Variants in PPP1R16B observed in about 807,000 individuals in gnomAD.
PPP1R16B encodes the protein protein phosphatase 1 regulatory inhibitor subunit 16B.
PPP1R16B carries 14 observed loss-of-function variants against 61.7 expected under a neutral mutation model. The observed-to-expected ratio is 0.23, with a 90% CI of 0.15 to 0.35. The LOEUF (loss-of-function observed/expected upper bound fraction) is 0.35, where lower values mean the gene tolerates loss of function less well. Among genes scored for constraint, PPP1R16B ranks in the 10% least tolerant of loss-of-function variants. PPP1R16B has a pLI of 1.00. For missense variants in PPP1R16B, 547 were observed against 752.5 expected (o/e 0.73, Z 3.19); for synonymous variants, 266 against 305.3 (o/e 0.87, Z 1.34).
intron 1 of PPP1R16B, among the ~76,000 whole-genome samples, chr20:38,828,152 G>T (rs2084815439): frequency 6.6e-6 from 1 of 152,102 alleles, no homozygotes; most frequent in Non-Finnish European, 1.5e-5. Context: ...GAGGCACTAG[G>T]CTTGAGTCCA....
chr20:38,841,353 GA>G (rs34203271), intron 2 of PPP1R16B, among the ~76,000 whole-genome samples: 205 of 42,590 alleles, frequency 4.8e-3, no homozygotes, highest in Admixed American at 0.01. Flanking sequence ...TGTCTGTACT[GA>G]AAAAAAAAAA....
intron 1 of PPP1R16B, among the ~76,000 whole-genome samples, chr20:38,822,702 A>G (rs983074601): frequency 4.6e-5 from 7 of 152,166 alleles, no homozygotes; most frequent in African/African-American, 1.7e-4. Context: ...TTTATTGGCT[A>G]AATAAATAGG....
intron 3 of PPP1R16B, among the ~76,000 whole-genome samples, chr20:38,893,171 G>A (rs1424447409): frequency 1.3e-5 from 2 of 152,216 alleles, no homozygotes; most frequent in Non-Finnish European, 2.9e-5. Context: ...CAAGCTGCTT[G>A]ACTCTTGTAA....
chr20:38,865,242 C>G (rs1389222585), intron 2 of PPP1R16B, among the ~76,000 whole-genome samples: 1 of 151,718 alleles, frequency 6.6e-6, no homozygotes, highest in Non-Finnish European at 1.5e-5. Context: ...AGACCTCTGA[C>G]TTGCACAGGG....
intron 10 of PPP1R16B, among the ~76,000 whole-genome samples, chr20:38,908,969 G>A (rs4812335): frequency 0.33 from 49,236 of 147,852 alleles, 8,136 homozygotes; most frequent in Middle Eastern, 0.52. Context: ...CTTTTTCTTC[G>A]TGTGTGTGTG....
At chr20:38,839,178 C>T (rs1463595874) in intron 2 of PPP1R16B, among the ~76,000 whole-genome samples, 1 of 152,164 alleles carries the variant, frequency 6.6e-6, no homozygotes, top group African/African-American at 2.4e-5. Flanking sequence ...ATCCGCCCAC[C>T]TTGGCCTCCA....
At chr20:38,819,474 A>G (rs2084759401) in intron 1 of PPP1R16B, among the ~76,000 whole-genome samples, 1 of 152,114 alleles carries the variant, frequency 6.6e-6, no homozygotes, top group South Asian at 2.1e-4. Flanking sequence ...CTGAGACCCT[A>G]TCTCAAAAAA....
At chr20:38,866,443 G>A (rs1001474413) in intron 2 of PPP1R16B, among the ~76,000 whole-genome samples, 3 of 152,212 alleles carry the variant, frequency 2.0e-5, no homozygotes, top group East Asian at 1.9e-4. Flanking sequence ...AGAATGCCCC[G>A]GAAGGTGCGT....
At chr20:38,855,245 G>C (rs1202488379) in intron 2 of PPP1R16B, among the ~76,000 whole-genome samples, 1 of 151,900 alleles carries the variant, frequency 6.6e-6, no homozygotes, top group Non-Finnish European at 1.5e-5. Context: ...TGAGCCATTT[G>C]AATGTCTAAA....
intron 1 of PPP1R16B, among the ~76,000 whole-genome samples, chr20:38,810,527 G>A (rs1293086366): frequency 6.6e-6 from 1 of 152,178 alleles, no homozygotes; most frequent in Non-Finnish European, 1.5e-5. Flanking sequence ...CGAAGAAGAA[G>A]AGGTCCACTC....
intron 1 of PPP1R16B, among the ~76,000 whole-genome samples, chr20:38,816,540 AG>A (rs1253870734): frequency 1.3e-5 from 2 of 152,244 alleles, no homozygotes; most frequent in Non-Finnish European, 2.9e-5. Context: ...AGGTCCATGT[AG>A]AAAGGGGTAT....
intron 3 of PPP1R16B, among the ~76,000 whole-genome samples, chr20:38,891,779 G>A (rs1466111967): frequency 6.6e-6 from 1 of 151,602 alleles, no homozygotes; most frequent in Non-Finnish European, 1.5e-5. Context: ...TCCAGCCTGG[G>A]TGACAGAGTG....
intron 1 of PPP1R16B, among the ~76,000 whole-genome samples, chr20:38,813,767 CATTATTATTATTATT>C (rs371284370): frequency 2.7e-3 from 362 of 132,062 alleles, no homozygotes; most frequent in African/African-American, 8.9e-3. Context: ...TCATCATCAT[CATTATTATTATTATT>C]ATTATTATTA....
chr20:38,908,872 C>T (rs777094873), intron 10 of PPP1R16B, among the ~76,000 whole-genome samples: 3 of 152,230 alleles, frequency 2.0e-5, no homozygotes, highest in South Asian at 2.1e-4. Flanking sequence ...GGATTCTGTT[C>T]CACGCCTCTG....
chr20:38,879,344 T>C (rs1161371660), intron 2 of PPP1R16B, among the ~76,000 whole-genome samples: 1 of 152,130 alleles, frequency 6.6e-6, no homozygotes, highest in Non-Finnish European at 1.5e-5. Context: ...CAGGCCCATA[T>C]CATCTTCACG....
chr20:38,891,194 T>A (rs1265570575), intron 3 of PPP1R16B, among the ~76,000 whole-genome samples: 3 of 152,020 alleles, frequency 2.0e-5, no homozygotes, highest in African/African-American at 7.2e-5. Context: ...GCCAGAAAGG[T>A]GAGGATGTCA....
intron 6 of PPP1R16B, among the ~76,000 whole-genome samples, chr20:38,903,579 G>GCCATCCATCCATCAT (rs2085415083): frequency 1.0e-5 from 1 of 97,388 alleles, no homozygotes. Flanking sequence ...CCGTCCGTCC[G>GCCATCCATCCATCAT]TCCATCCATC....
chr20:38,900,791 G>A, intron 5 of PPP1R16B, 107 bp downstream of exon 5: 2 of 785,192 alleles, frequency 2.5e-6, no homozygotes, highest in East Asian at 3.2e-5. Context: ...CCTGCCTCGT[G>A]CGCTGTGCTC....
At chr20:38,896,309 C>T (rs2085349094) in intron 4 of PPP1R16B, among the ~76,000 whole-genome samples, 1 of 146,600 alleles carries the variant, frequency 6.8e-6, no homozygotes, top group Admixed American at 7.0e-5. Flanking sequence ...TGCTTTTCTT[C>T]CTTCCTCTCT....
Sources: gnomAD v4.1 joint callset for allele counts (sites outside exome capture counted in the v4.1 genomes callset) on GRCh38, gnomAD v4.1.1 for gene constraint, MANE v1.5 for transcripts, NCBI Gene and HGNC (gene_info 2026-07-23, HGNC 2026-07-21) for gene names.